Variants in ANTXR1 observed in about 807,000 individuals in gnomAD.
ANTXR1 encodes the protein ANTXR cell adhesion molecule 1, also known as anthrax toxin receptor 1.
A neutral mutation model predicts 78.1 loss-of-function variants in ANTXR1; 19 were observed. That is an observed-to-expected ratio of 0.24 (90% confidence interval 0.17 to 0.36). The LOEUF (loss-of-function observed/expected upper bound fraction) is 0.36, where lower values mean the gene tolerates loss of function less well. Among genes scored for constraint, ANTXR1 ranks in the 10% least tolerant of loss-of-function variants. ANTXR1 has a pLI of 1.00. For missense variants in ANTXR1, 518 were observed against 718.6 expected (o/e 0.72, Z 3.19); for synonymous variants, 273 against 260.5 (o/e 1.05, Z -0.46).
chr2:69,195,949 T>G (rs1674659347), intron 17 of ANTXR1, among the ~76,000 whole-genome samples: 1 of 152,180 alleles, frequency 6.6e-6, no homozygotes. Flanking sequence ...ATAAACTGGG[T>G]CAACCTAAGA....
At chr2:69,166,196 A>G (rs1450541265) in intron 13 of ANTXR1, among the ~76,000 whole-genome samples, 1 of 152,228 alleles carries the variant, frequency 6.6e-6, no homozygotes, top group Non-Finnish European at 1.5e-5. Context: ...TTTCAATTTG[A>G]TCAGATTCTA....
intron 12 of ANTXR1, among the ~76,000 whole-genome samples, chr2:69,151,314 C>A (rs1159963070): frequency 6.6e-6 from 1 of 150,472 alleles, no homozygotes; most frequent in Non-Finnish European, 1.5e-5. Flanking sequence ...CTTTTGATAC[C>A]TATCACAATT....
intron 9 of ANTXR1, among the ~76,000 whole-genome samples, chr2:69,100,201 T>C (rs1476659762): frequency 6.6e-6 from 1 of 152,232 alleles, no homozygotes; most frequent in Non-Finnish European, 1.5e-5. Flanking sequence ...TGTCCTGGTT[T>C]TCACTTACTG....
chr2:69,197,248 C>T (rs1348534571), intron 17 of ANTXR1, among the ~76,000 whole-genome samples: 2 of 152,224 alleles, frequency 1.3e-5, no homozygotes, highest in Admixed American at 1.3e-4. Context: ...TTAAAATTTA[C>T]TAAGCACATG....
At position 69,218,907 on chromosome 2, in the gene ANTXR1, G is replaced by A. The variant is rs533732865; in HGVS notation, c.1434+25492G>A. On this transcript the variant is annotated intron_variant, in intron 17 of 17. Transcript: ENST00000303714. ...AGGAGTATAAATGGTTCCAAAGGCC[G>A]GAGCGACTTTGGTCTGAAAGGCCCA... 3.9e-5 allele frequency among the ~76,000 whole-genome samples: 6 copies of A among 152,254 alleles called. No individual in the cohort carries two copies. The South Asian group carries it at 8.3e-4, about 21-fold the overall frequency.
intron 1 of ANTXR1, among the ~76,000 whole-genome samples, chr2:69,036,143 T>C (rs1215773510): frequency 2.0e-5 from 3 of 152,210 alleles, no homozygotes; most frequent in African/African-American, 7.2e-5. Context: ...AGGGAGTCAA[T>C]AATAGTTTCC....
chr2:69,170,191 C>T (rs1189791627), intron 13 of ANTXR1, 57 bp from the exon 14 acceptor site: 3 of 1,599,638 alleles, frequency 1.9e-6, no homozygotes, highest in South Asian at 2.2e-5. Context: ...CAGCAAGCCT[C>T]TTAGGAGGCA....
At chr2:69,034,775 G>C (rs1351962515) in intron 1 of ANTXR1, among the ~76,000 whole-genome samples, 1 of 152,164 alleles carries the variant, frequency 6.6e-6, no homozygotes, top group Non-Finnish European at 1.5e-5. Flanking sequence ...TAATGAGTGG[G>C]TGGGCCATAC....
intron 14 of ANTXR1, among the ~76,000 whole-genome samples, chr2:69,176,453 A>G (rs922867103): frequency 3.3e-5 from 5 of 152,188 alleles, no homozygotes; most frequent in Non-Finnish European, 4.4e-5. Context: ...ACTTCTCCCC[A>G]AAGACCAAAT....
chr2:69,152,450 G>T (rs935406144), intron 13 of ANTXR1, among the ~76,000 whole-genome samples, 186 bp downstream of exon 13: 2 of 152,224 alleles, frequency 1.3e-5, no homozygotes, highest in Non-Finnish European at 2.9e-5. Flanking sequence ...CCAGCAGTCA[G>T]TATGAGTTAG....
chr2:69,233,369 GAATT>G (rs1675674882), intron 17 of ANTXR1, among the ~76,000 whole-genome samples: 1 of 151,658 alleles, frequency 6.6e-6, no homozygotes, highest in African/African-American at 2.4e-5. Context: ...AAATCAAAGA[GAATT>G]AATTTCAGAA....
In ANTXR1 at chr2:69,077,398, G is replaced by C; in HGVS notation, c.562-10G>C. The C allele has an allele frequency of 6.2e-7, 1 of 1,614,104 alleles. No individual in the cohort carries two copies. ...CTCCCCATGTGTTTGTGTATTTGCTGTGTTCTCAGCTGGCCCGGATTGCGG... is the reference window on the plus strand; with the variant it reads ...CTCCCCATGTGTTTGTGTATTTGCTCTGTTCTCAGCTGGCCCGGATTGCGG... On this transcript the variant is annotated splice_polypyrimidine_tract_variant and intron_variant, in intron 7 of 17. Transcript: ENST00000303714.
chr2:69,237,916 GA>G (rs1675810264), intron 17 of ANTXR1, among the ~76,000 whole-genome samples: 1 of 152,208 alleles, frequency 6.6e-6, no homozygotes, highest in Admixed American at 6.5e-5. Flanking sequence ...ATATCAAAGT[GA>G]AAGGGAAAGG....
intron 3 of ANTXR1, among the ~76,000 whole-genome samples, chr2:69,068,316 A>C (rs1670463358): frequency 6.6e-6 from 1 of 152,238 alleles, no homozygotes; most frequent in Non-Finnish European, 1.5e-5. Context: ...TTAGTTATAA[A>C]ATATCTTAAG....
intron 16 of ANTXR1, among the ~76,000 whole-genome samples, chr2:69,188,341 C>T (rs1674472276): frequency 6.6e-6 from 1 of 152,182 alleles, no homozygotes; most frequent in South Asian, 2.1e-4. Flanking sequence ...GTGATCCTCC[C>T]ACCTCAGCCT....
At chr2:69,108,940 A>C (rs559853723) in intron 10 of ANTXR1, among the ~76,000 whole-genome samples, 1 of 152,342 alleles carries the variant, frequency 6.6e-6, no homozygotes, top group Non-Finnish European at 1.5e-5. Context: ...GAAAGTCACA[A>C]AACTTTCTGA....
chr2:69,221,361 A>G (rs78544906), intron 17 of ANTXR1, among the ~76,000 whole-genome samples: 7,469 of 152,306 alleles, frequency 0.049, 639 homozygotes, highest in African/African-American at 0.17. Flanking sequence ...TACTGATACA[A>G]AAGTTTATTT....
At chr2:69,031,678 A>C (rs1292674949) in intron 1 of ANTXR1, among the ~76,000 whole-genome samples, 4 of 152,078 alleles carry the variant, frequency 2.6e-5, no homozygotes, top group Non-Finnish European at 5.9e-5. Flanking sequence ...GGATTTCTTC[A>C]CCAAATGACA....
At chr2:69,095,527 C>T (rs1671371733) in intron 9 of ANTXR1, among the ~76,000 whole-genome samples, 1 of 152,334 alleles carries the variant, frequency 6.6e-6, no homozygotes, top group Admixed American at 6.5e-5. Flanking sequence ...AATTGAGATA[C>T]TCACAAGAGC....
Sources: gnomAD v4.1 joint callset for allele counts (sites outside exome capture counted in the v4.1 genomes callset) on GRCh38, gnomAD v4.1.1 for gene constraint, MANE v1.5 for transcripts, NCBI Gene and HGNC (gene_info 2026-07-23, HGNC 2026-07-21) for gene names.